Variants in RBFOX1 observed in about 807,000 individuals in gnomAD.
RBFOX1 encodes RNA binding fox-1 homolog 1.
In RBFOX1, 8 loss-of-function variants were observed where a neutral mutation model predicts 57.7. That is an observed-to-expected ratio of 0.14 (90% confidence interval 0.08 to 0.25). The LOEUF is 0.25. RBFOX1 is among the 10% of genes least tolerant of loss of function. RBFOX1 has a pLI of 1.00. For missense variants in RBFOX1, 611 were observed against 548.5 expected (o/e 1.11, Z -1.14); for synonymous variants, 326 against 222.4 (o/e 1.47, Z -4.15).
intron 3 of RBFOX1, among the ~76,000 whole-genome samples, chr16:5,635,488 T>G (rs939920494): frequency 6.6e-6 from 1 of 152,222 alleles, no homozygotes; most frequent in African/African-American, 2.4e-5. Flanking sequence ...CTTCATTGAT[T>G]AGAGCCTTCT....
At chr16:5,487,939 T>C (rs1160386028) in intron 2 of RBFOX1, among the ~76,000 whole-genome samples, 1 of 151,960 alleles carries the variant, frequency 6.6e-6, no homozygotes, top group Admixed American at 6.6e-5. Context: ...ATGATAATTA[T>C]GGTAGTGGTG....
chr16:7,514,750 C>G (rs943853190), intron 4 of RBFOX1, among the ~76,000 whole-genome samples: 25 of 152,162 alleles, frequency 1.6e-4, no homozygotes, highest in African/African-American at 6.0e-4. Flanking sequence ...TGACCATAAG[C>G]TTCTGGAAGG....
At chr16:7,052,199 T>C (rs1479364124) in intron 4 of RBFOX1, 101 bp downstream of exon 4, 10 of 1,488,100 alleles carry the variant, frequency 6.7e-6, no homozygotes, top group Non-Finnish European at 8.9e-6. Flanking sequence ...AATAACAGGC[T>C]TCATCTTAAG....
rs139925610 is a variant in RBFOX1, at chr16:7,188,943, T to G, written c.27+136845T>G. ...TTCTTTGACACCATGAAGACTATAA[T>G]TGCAGCCTGGGTAGCTTGATAAACC... is the stretch of plus-strand genomic sequence containing the variant. On this transcript the variant is annotated intron_variant, in intron 4 of 15. Transcript: ENST00000550418. 2.0e-5 allele frequency among the ~76,000 whole-genome samples: 3 copies of G among 152,238 alleles called. No homozygotes were observed. In the East Asian group the frequency reaches 5.8e-4, roughly 29 times the overall value.
chr16:5,542,708 AG>A (rs1263566135), intron 2 of RBFOX1, among the ~76,000 whole-genome samples: 1 of 152,204 alleles, frequency 6.6e-6, no homozygotes, highest in Non-Finnish European at 1.5e-5. Flanking sequence ...GAAAACTGTC[AG>A]TTTGAAATAC....
intron 4 of RBFOX1, among the ~76,000 whole-genome samples, chr16:7,494,089 G>T (rs985804769): frequency 6.6e-6 from 1 of 152,156 alleles, no homozygotes; most frequent in Non-Finnish European, 1.5e-5. Flanking sequence ...TATGTCATGA[G>T]TTAGCAATGT....
chr16:7,392,621 C>G (rs1194744322), intron 4 of RBFOX1, among the ~76,000 whole-genome samples: 1 of 152,306 alleles, frequency 6.6e-6, no homozygotes, highest in East Asian at 1.9e-4. Flanking sequence ...GTCAGAGCCA[C>G]TTTCTCCTAA....
At position 5,756,370 on chromosome 16, in the gene RBFOX1, C is replaced by G. The variant is rs560501246; in HGVS notation, c.319-110933C>G. Among the ~76,000 whole-genome samples, 25 of 152,014 alleles carry G rather than the reference C, an allele frequency of 1.6e-4. 1 individual carries two copies. In the South Asian group the frequency reaches 5.2e-3, roughly 32 times the overall value. On this transcript the variant is annotated intron_variant, in intron 3 of 19. Transcript: ENST00000641259. Reference sequence around the variant, plus strand: ...ACTTAACCTAGCAAAACTGGAAAAGCTACAGACATGGCAGTGAGAAAAGAT... The same window carrying G: ...ACTTAACCTAGCAAAACTGGAAAAGGTACAGACATGGCAGTGAGAAAAGAT...
At chr16:5,497,360 C>G (rs117230252) in intron 2 of RBFOX1, among the ~76,000 whole-genome samples, 28 of 151,914 alleles carry the variant, frequency 1.8e-4, no homozygotes, top group Admixed American at 7.9e-4. Context: ...GCATTCAAGG[C>G]CTCACACAAC....
chr16:6,375,169 G>A (rs1330193169), intron 2 of RBFOX1, among the ~76,000 whole-genome samples: 1 of 152,122 alleles, frequency 6.6e-6, no homozygotes, highest in African/African-American at 2.4e-5. Context: ...TTGAGGTTCT[G>A]TTGCCAAAAC....
At chr16:6,015,132 C>A (rs1340568241), upstream of RBFOX1, among the ~76,000 whole-genome samples, 4 of 152,174 alleles carry the variant, frequency 2.6e-5, no homozygotes, top group African/African-American at 9.7e-5. Context: ...GATGGGATTA[C>A]AGGTATGAGC....
At chr16:7,106,066 A>C (rs1028517250) in intron 4 of RBFOX1, among the ~76,000 whole-genome samples, 2 of 152,142 alleles carry the variant, frequency 1.3e-5, no homozygotes, top group African/African-American at 2.4e-5. Flanking sequence ...ATTTAAAACT[A>C]TTCAGTACCC....
intron 3 of RBFOX1, among the ~76,000 whole-genome samples, chr16:6,674,818 T>G (rs2057337513): frequency 6.6e-6 from 1 of 152,164 alleles, no homozygotes; most frequent in Non-Finnish European, 1.5e-5. Context: ...AACAAGACCC[T>G]ATTAGGACTT....
At chr16:7,478,431 G>A (rs1304267377) in intron 4 of RBFOX1, among the ~76,000 whole-genome samples, 2 of 152,194 alleles carry the variant, frequency 1.3e-5, no homozygotes, top group African/African-American at 2.4e-5. Flanking sequence ...GAGAAATAGT[G>A]TAGCAATCTG....
At chr16:5,303,567 A>G (rs1238319014) in intron 1 of RBFOX1, among the ~76,000 whole-genome samples, 3 of 152,092 alleles carry the variant, frequency 2.0e-5, no homozygotes, top group African/African-American at 4.8e-5. Context: ...GTTTTAGATA[A>G]ACTTCAGACA....
chr16:6,459,309 C>A (rs1458994759), intron 2 of RBFOX1, among the ~76,000 whole-genome samples: 1 of 152,196 alleles, frequency 6.6e-6, no homozygotes, highest in Non-Finnish European at 1.5e-5. Context: ...GCACTCCAGC[C>A]TGGGCGACAG....
intron 1 of RBFOX1, among the ~76,000 whole-genome samples, chr16:6,230,340 G>C (rs1277862941): frequency 6.6e-6 from 1 of 151,976 alleles, no homozygotes; most frequent in African/African-American, 2.4e-5. Flanking sequence ...ATAATTATAA[G>C]GAAAAAATAT....
At chr16:7,006,372 C>T (rs551082017) in intron 3 of RBFOX1, among the ~76,000 whole-genome samples, 6 of 152,148 alleles carry the variant, frequency 3.9e-5, no homozygotes, top group Non-Finnish European at 7.4e-5. Flanking sequence ...CCAGGATGGT[C>T]TCGATTTTCT....
At chr16:5,675,301 A>G (rs2050132572) in intron 3 of RBFOX1, among the ~76,000 whole-genome samples, 1 of 152,188 alleles carries the variant, frequency 6.6e-6, no homozygotes, top group Non-Finnish European at 1.5e-5. Flanking sequence ...GAACAGAAGA[A>G]GGGATGAACC....
Sources: gnomAD v4.1 joint callset for allele counts (sites outside exome capture counted in the v4.1 genomes callset) on GRCh38, gnomAD v4.1.1 for gene constraint, MANE v1.5 for transcripts, NCBI Gene and HGNC (gene_info 2026-07-23, HGNC 2026-07-21) for gene names.